The following PIK3CB variants were observed in gnomAD, a reference collection of about 807,000 sequenced individuals.
PIK3CB encodes the protein phosphatidylinositol 4,5-bisphosphate 3-kinase catalytic subunit beta isoform.
Under a neutral mutation model 136.8 loss-of-function variants are expected in PIK3CB, and 39 were observed. That is an observed-to-expected ratio of 0.29 (90% confidence interval 0.22 to 0.37). PIK3CB has a LOEUF of 0.37. PIK3CB is among the 10% of genes least tolerant of loss of function. The pLI is 1.00. For missense variants in PIK3CB, 868 were observed against 1,275.4 expected (o/e 0.68, Z 4.87); for synonymous variants, 428 against 436.6 (o/e 0.98, Z 0.25).
chr3:138,811,431 CCT>C (rs1933052298), intron 1 of PIK3CB, among the ~76,000 whole-genome samples: 1 of 149,444 alleles, frequency 6.7e-6, no homozygotes, highest in African/African-American at 2.5e-5. Context: ...AAGAAAATTA[CCT>C]TTTTTTTTTT....
At position 138,796,776 on chromosome 3, in the gene PIK3CB, T is replaced by C. The variant is rs543868154; in HGVS notation, c.-121-209A>G. 4 of 152,290 alleles carry C rather than the reference T, an allele frequency of 2.6e-5. No homozygotes were observed. The East Asian group carries it at 5.8e-4, about 22-fold the overall frequency. The allele number at this position is 152,290 out of a possible 1,614,324, so 9.4% of individuals were successfully genotyped here. On this transcript the variant is annotated intron_variant, in intron 1 of 23. Coordinates refer to ENST00000674063, the MANE Select transcript of PIK3CB (RefSeq NM_006219.3). ...TTTTCTAATTAATTAGTAGGCTTTA[T>C]ATATTCAGGACCAGGACAGACAACA... is the stretch of plus-strand genomic sequence containing the variant.
chr3:138,700,361 G>A (rs1467169576), intron 12 of PIK3CB, among the ~76,000 whole-genome samples: 1 of 152,154 alleles, frequency 6.6e-6, no homozygotes, highest in East Asian at 1.9e-4. Flanking sequence ...GCTGGGGTAG[G>A]GAAAGTACTA....
chr3:138,715,156 G>A (rs2044582015), intron 8 of PIK3CB, among the ~76,000 whole-genome samples: 1 of 152,158 alleles, frequency 6.6e-6, no homozygotes, highest in African/African-American at 2.4e-5. Context: ...TGGCTCCAAA[G>A]TTTCTTTCTA....
rs999461628 is a variant in PIK3CB at position 138,774,314 on chromosome 3, G to A, written c.-16-14955C>T. On this transcript the variant is annotated intron_variant, in intron 2 of 23. Coordinates refer to ENST00000674063, the MANE Select transcript of PIK3CB (RefSeq NM_006219.3). The stretch of plus-strand genomic sequence containing the variant: ...CATCTGACTTCTTTTGTAAGAGGTG[G>A]GGGTTGTTTTGTTTTTTAATCACTT... 1.3e-5 allele frequency among the ~76,000 whole-genome samples: 2 copies of A among 152,152 alleles called. 1 individual carries two copies.
chr3:138,682,105 T>A, intron 18 of PIK3CB, 60 bp from the exon 19 acceptor site: 1 of 976,384 alleles, frequency 1.0e-6, no homozygotes, highest in Non-Finnish European at 1.6e-6. Context: ...TGTAACTCAT[T>A]AATTCAAGAC....
Position 138,764,533 on chromosome 3 carries a change from G to A in PIK3CB, c.-16-5174C>T, listed in dbSNP as rs145430423. Among the ~76,000 whole-genome samples, 11 of 152,282 alleles carry A rather than the reference G, an allele frequency of 7.2e-5. No homozygotes were observed. The East Asian group carries it at 1.7e-3, about 24-fold the overall frequency. On this transcript the variant is annotated intron_variant, in intron 2 of 23. Coordinates refer to ENST00000674063, the MANE Select transcript of PIK3CB (RefSeq NM_006219.3). ...TAATCCTAGCACTTTGGGAGGCCAA[G>A]GTGGAAGAACTACTTGAGGTCAGGA...
intron 2 of PIK3CB, among the ~76,000 whole-genome samples, chr3:138,771,875 T>C (rs1428760309): frequency 2.0e-5 from 3 of 150,520 alleles, no homozygotes; most frequent in African/African-American, 7.3e-5. Flanking sequence ...TGAACCCTGT[T>C]TGCAGAACTG....
At chr3:138,705,189 A>AAAAAAAAAAAAAAAAAAAAAAT (rs2044349418) in intron 11 of PIK3CB, among the ~76,000 whole-genome samples, 1 of 82,598 alleles carries the variant, frequency 1.2e-5, no homozygotes, top group Non-Finnish European at 2.2e-5. Context: ...AACAAAACAA[A>AAAAAAAAAAAAAAAAAAAAAAT]CAAAAAAAAA....
chr3:138,734,955 T>A (rs1223181990), intron 6 of PIK3CB, 151 bp from the exon 7 acceptor site: 3 of 370,626 alleles, frequency 8.1e-6, no homozygotes, highest in Admixed American at 4.8e-5. Flanking sequence ...AAAAAAAATT[T>A]TTTTTTTTTT....
intron 6 of PIK3CB, among the ~76,000 whole-genome samples, chr3:138,736,911 T>C (rs2045118003): frequency 1.3e-5 from 2 of 152,182 alleles, no homozygotes; most frequent in African/African-American, 4.8e-5. Context: ...AGTTAGCTAA[T>C]GGATAATCAC....
In PIK3CB at chr3:138,720,815, CAG is replaced by C. The variant is rs1340155799; in HGVS notation, c.1051-6098_1051-6097del. Among the ~76,000 whole-genome samples, 3 of 152,198 alleles carry C rather than the reference CAG, an allele frequency of 2.0e-5. No individual in the cohort carries two copies. The South Asian group carries it at 6.2e-4, about 32-fold the overall frequency. On this transcript the variant is annotated intron_variant, in intron 8 of 23. Coordinates refer to ENST00000674063, the MANE Select transcript of PIK3CB (RefSeq NM_006219.3). Reference sequence around the variant, plus strand: ...CCCTAGAGGCATAGGTTGCAGTGAGCAGAGATTGTGCCACTGCATGCCAGCCT... The same window carrying C: ...CCCTAGAGGCATAGGTTGCAGTGAGCAGATTGTGCCACTGCATGCCAGCCT...
At position 138,680,109 on chromosome 3, in the gene PIK3CB, C is replaced by T. The variant is rs1019728188; in HGVS notation, c.2504+1858G>A. ...GGGCGGCGACTCACGCCTGTAATTC[C>T]AGCACTTTGGGAGCCCAAGGCAGGC... On this transcript the variant is annotated intron_variant, in intron 19 of 23. Transcript: ENST00000674063. Among the ~76,000 whole-genome samples, 11 of 152,004 alleles carry T rather than the reference C, an allele frequency of 7.2e-5. No homozygotes were observed. The South Asian group carries it at 8.3e-4, about 11-fold the overall frequency.
At chr3:138,779,290 G>A (rs2045896625) in intron 2 of PIK3CB, among the ~76,000 whole-genome samples, 1 of 150,824 alleles carries the variant, frequency 6.6e-6, no homozygotes, top group African/African-American at 2.4e-5. Context: ...GTTTCACCGT[G>A]TTAGCCAGGA....
chr3:138,763,841 G>A (rs910107708), intron 2 of PIK3CB, among the ~76,000 whole-genome samples: 9 of 152,174 alleles, frequency 5.9e-5, no homozygotes, highest in Non-Finnish European at 8.8e-5. Context: ...GGCCAGGCGC[G>A]CTGGCTCATG....
intron 2 of PIK3CB, among the ~76,000 whole-genome samples, chr3:138,768,955 G>A (rs2045767569): frequency 6.6e-6 from 1 of 152,190 alleles, no homozygotes; most frequent in African/African-American, 2.4e-5. Context: ...GCCTGGTTGG[G>A]CAGTTGCACT....
chr3:138,721,221 GGC>G (rs766307417), intron 8 of PIK3CB, among the ~76,000 whole-genome samples: 4 of 151,998 alleles, frequency 2.6e-5, no homozygotes, highest in African/African-American at 4.8e-5. Context: ...GGAGTGCAAT[GGC>G]ATGATCTCGG....
intron 13 of PIK3CB, 57 bp from the exon 14 acceptor site, chr3:138,694,964 T>C (rs2044104490): frequency 6.5e-7 from 1 of 1,534,374 alleles, no homozygotes; most frequent in African/African-American, 1.4e-5. Flanking sequence ...AATCTAATTT[T>C]CCTTGACACA....
intron 4 of PIK3CB, among the ~76,000 whole-genome samples, chr3:138,751,412 G>A (rs1041031698): frequency 6.6e-6 from 1 of 151,466 alleles, no homozygotes; most frequent in South Asian, 2.1e-4. Flanking sequence ...GAGCCGAGAT[G>A]GCGCCACTGC....
chr3:138,698,319 G>T (rs1437025776), intron 13 of PIK3CB, among the ~76,000 whole-genome samples: 1 of 152,142 alleles, frequency 6.6e-6, no homozygotes, highest in South Asian at 2.1e-4. Context: ...GCACTGGTGG[G>T]TTGTTTGAAT....
Sources: allele counts gnomAD v4.1 joint callset (sites outside exome capture counted in the v4.1 genomes callset), GRCh38; gene constraint gnomAD v4.1.1; transcripts MANE v1.5; gene names NCBI Gene and HGNC (gene_info 2026-07-23, HGNC 2026-07-21).